The following NCKAP5 variants were observed in gnomAD, a reference collection of about 807,000 sequenced individuals.
The protein encoded by NCKAP5 is NCK associated protein 5.
A neutral mutation model predicts 167.0 loss-of-function variants in NCKAP5; 92 were observed. The observed-to-expected ratio is 0.55, with a 90% CI of 0.47 to 0.66. The LOEUF is 0.66. NCKAP5 is among the 30% of genes least tolerant of loss of function. The probability of loss-of-function intolerance (pLI) is 0.00; values close to 1 mark genes in which losing one functional copy is unlikely to be tolerated. For missense variants in NCKAP5, 2,378 were observed against 2,315.0 expected (o/e 1.03, Z -0.56); for synonymous variants, 891 against 877.4 (o/e 1.02, Z -0.27).
chr2:133,524,647 GCT>G (rs1684722419), intron 2 of NCKAP5, among the ~76,000 whole-genome samples: 1 of 152,052 alleles, frequency 6.6e-6, no homozygotes, highest in Admixed American at 6.6e-5. Flanking sequence ...TGTGCACCTA[GCT>G]CTCTTTTCAA....
intron 3 of NCKAP5, among the ~76,000 whole-genome samples, chr2:133,308,402 G>A (rs564521394): frequency 6.6e-6 from 1 of 151,764 alleles, no homozygotes; most frequent in African/African-American, 2.4e-5. Context: ...TTCTATTTTT[G>A]ACTCGATAAT....
the NCKAP5 span, among the ~76,000 whole-genome samples, chr2:133,671,210 G>A: frequency 0.024 from 2,241 of 92,830 alleles, 78 homozygotes; most frequent in African/African-American, 0.1. Context: ...GCAAGACTCC[G>A]TCTCAAAAAA....
intron 5 of NCKAP5, among the ~76,000 whole-genome samples, chr2:133,193,869 G>A (rs2085330534): frequency 6.6e-6 from 1 of 152,006 alleles, no homozygotes; most frequent in Non-Finnish European, 1.5e-5. Flanking sequence ...TATTTTAAAA[G>A]ACTGTTTCTA....
intron 3 of NCKAP5, among the ~76,000 whole-genome samples, chr2:133,481,270 G>A (rs939055965): frequency 1.3e-5 from 2 of 152,172 alleles, no homozygotes; most frequent in Non-Finnish European, 2.9e-5. Context: ...ATGATGAAGT[G>A]TTGGAACCCA....
rs142237706 is a variant in NCKAP5, at chr2:132,980,123, G to T, written c.429+14029C>A. On this transcript the variant is annotated intron_variant, in intron 7 of 19. Coordinates refer to ENST00000409261, the MANE Select transcript of NCKAP5 (RefSeq NM_207363.3). ...TCCCACCTCAGCCTCCCAGGTAGCT[G>T]GGACTACAGGCATGCACCACTATAC... 3.0e-3 allele frequency among the ~76,000 whole-genome samples: 459 copies of T among 151,666 alleles called. 4 individuals are homozygous for T. The highest frequency in any genetic ancestry group is 0.01 in the African/African-American group (431 of 41,292).
chr2:133,330,844 C>T (rs1682805369), intron 3 of NCKAP5, among the ~76,000 whole-genome samples: 1 of 152,088 alleles, frequency 6.6e-6, no homozygotes. Flanking sequence ...TTGCAGTGAG[C>T]TATGATTATG....
chr2:133,223,609 A>G (rs2086752031), intron 4 of NCKAP5, among the ~76,000 whole-genome samples: 1 of 152,216 alleles, frequency 6.6e-6, no homozygotes, highest in African/African-American at 2.4e-5. Flanking sequence ...CTCATATGAA[A>G]GAAATGTCTT....
intron 11 of NCKAP5, among the ~76,000 whole-genome samples, chr2:132,827,778 T>C (rs1249610122): frequency 6.6e-6 from 1 of 152,224 alleles, no homozygotes; most frequent in Non-Finnish European, 1.5e-5. Context: ...GGCCTTGATT[T>C]CCTTTATACT....
intron 2 of NCKAP5, among the ~76,000 whole-genome samples, chr2:133,525,071 A>T (rs934638539): frequency 2.0e-5 from 3 of 152,238 alleles, no homozygotes; most frequent in African/African-American, 7.2e-5. Flanking sequence ...GTATAAAAAC[A>T]TGCCAAATGA....
intron 3 of NCKAP5, among the ~76,000 whole-genome samples, chr2:133,477,156 T>C (rs145255841): frequency 6.6e-6 from 1 of 152,334 alleles, no homozygotes; most frequent in African/African-American, 2.4e-5. Flanking sequence ...TTCTCCAAAG[T>C]CATTGTGCTA....
chr2:132,736,016 TTC>T (rs1691471247), intron 16 of NCKAP5, among the ~76,000 whole-genome samples: 1 of 152,152 alleles, frequency 6.6e-6, no homozygotes, highest in South Asian at 2.1e-4. Flanking sequence ...AATTCTTGAG[TTC>T]TCTGATTCCC....
At chr2:133,569,913 C>G (rs534246222), upstream of NCKAP5, among the ~76,000 whole-genome samples, 36 of 152,312 alleles carry the variant, frequency 2.4e-4, 1 homozygote, top group South Asian at 7.3e-3. Flanking sequence ...TTTACAAGTA[C>G]AGACCCTTAG....
chr2:133,361,004 C>T (rs1224154776), intron 3 of NCKAP5, among the ~76,000 whole-genome samples: 1 of 150,308 alleles, frequency 6.7e-6, no homozygotes, highest in Non-Finnish European at 1.5e-5. Context: ...AATCAATGGG[C>T]AGACCCAAGC....
the NCKAP5 span, among the ~76,000 whole-genome samples, chr2:133,587,666 G>C: frequency 6.6e-6 from 1 of 152,332 alleles, no homozygotes; most frequent in East Asian, 1.9e-4. Flanking sequence ...TGCACAATGA[G>C]GATGAGGTTT....
the NCKAP5 span, among the ~76,000 whole-genome samples, chr2:133,576,506 A>G: frequency 6.6e-6 from 1 of 152,238 alleles, no homozygotes; most frequent in East Asian, 1.9e-4. Flanking sequence ...TTATACCACA[A>G]ATCCTCACTG....
At chr2:132,699,868 T>C (rs1687712244) in intron 19 of NCKAP5, among the ~76,000 whole-genome samples, 1 of 152,226 alleles carries the variant, frequency 6.6e-6, no homozygotes, top group Non-Finnish European at 1.5e-5. Context: ...CTGGGTCAAA[T>C]GATATTTCTA....
chr2:133,392,987 G>A (rs747245927), intron 3 of NCKAP5, among the ~76,000 whole-genome samples: 24 of 152,168 alleles, frequency 1.6e-4, no homozygotes, highest in Non-Finnish European at 1.8e-4. Flanking sequence ...AGAGAACTGA[G>A]TCTAGAGTCC....
intron 4 of NCKAP5, among the ~76,000 whole-genome samples, chr2:133,270,290 T>C (rs966276671): frequency 6.6e-6 from 1 of 152,222 alleles, no homozygotes; most frequent in Non-Finnish European, 1.5e-5. Context: ...GTGAATTTTA[T>C]TGTACGTAAA....
intron 13 of NCKAP5, among the ~76,000 whole-genome samples, chr2:132,788,624 A>G (rs1347803049): frequency 6.6e-6 from 1 of 152,160 alleles, no homozygotes; most frequent in Non-Finnish European, 1.5e-5. Flanking sequence ...AAGTCCTTAA[A>G]AGGCTGTGCT....
Sources: gnomAD v4.1 joint callset for allele counts (sites outside exome capture counted in the v4.1 genomes callset) on GRCh38, gnomAD v4.1.1 for gene constraint, MANE v1.5 for transcripts, NCBI Gene and HGNC (gene_info 2026-07-23, HGNC 2026-07-21) for gene names.